The following ELK3 variants were observed in gnomAD, a reference collection of about 807,000 sequenced individuals.
ELK3 encodes the protein ETS transcription factor ELK3.
ELK3 carries 10 observed loss-of-function variants against 28.9 expected under a neutral mutation model. The observed-to-expected ratio is 0.35, with a 90% CI of 0.21 to 0.59. The LOEUF (loss-of-function observed/expected upper bound fraction) is 0.59. Among genes scored for constraint, ELK3 ranks in the 20% least tolerant of loss-of-function variants. The pLI, the probability that ELK3 is intolerant of heterozygous loss-of-function variation, is 0.82. For missense variants in ELK3, 463 were observed against 517.3 expected, an observed-to-expected ratio of 0.90 and a Z score of 1.02; for synonymous variants, 272 against 243.5, an observed-to-expected ratio of 1.12 and a Z score of -1.09.
At chr12:96,233,013 T>C (rs564042593) in intron 2 of ELK3, among the ~76,000 whole-genome samples, 130 of 152,222 alleles carry the variant, frequency 8.5e-4, no homozygotes, top group Admixed American at 3.6e-3. Flanking sequence ...AGATTTCCAT[T>C]TTAGAAATAA....
In ELK3 at chr12:96,199,169, TGAAAA is replaced by T. The variant is rs1363130011; in HGVS notation, c.-3+4465_-3+4469del. On this transcript the variant is annotated intron_variant, in intron 1 of 4. Coordinates refer to ENST00000228741, the MANE Select transcript of ELK3 (RefSeq NM_005230.4). ...AACAGGAAGTACAGGGCACTACACA[TGAAAA>T]TAGAATGTTAAATGATGAAGAGAAA... 2.0e-5 allele frequency among the ~76,000 whole-genome samples: 3 copies of T among 152,142 alleles called. No homozygotes were observed. The East Asian group carries it at 5.8e-4, about 29-fold the overall frequency.
chr12:96,204,171 T>G (rs2268511), intron 1 of ELK3, among the ~76,000 whole-genome samples: 46,994 of 151,102 alleles, frequency 0.31, 7,625 homozygotes, highest in East Asian at 0.61. Context: ...AATGTAAAGT[T>G]TTTTTTTTTA....
chr12:96,228,719 C>T (rs935354792), intron 2 of ELK3, among the ~76,000 whole-genome samples: 2 of 152,202 alleles, frequency 1.3e-5, no homozygotes, highest in African/African-American at 2.4e-5. Flanking sequence ...CTCTGAGCAC[C>T]TGCAGTTGGA....
At chr12:96,213,367 A>G (rs913791818) in intron 1 of ELK3, among the ~76,000 whole-genome samples, 8 of 152,214 alleles carry the variant, frequency 5.3e-5, no homozygotes, top group Non-Finnish European at 8.8e-5. Context: ...TTAGGGATCA[A>G]GAGGTACCCA....
chr12:96,232,617 G>C (rs1370884942), intron 2 of ELK3, among the ~76,000 whole-genome samples: 1 of 150,590 alleles, frequency 6.6e-6, no homozygotes, highest in Non-Finnish European at 1.5e-5. Flanking sequence ...GTTAAAAACA[G>C]GAGATGGGGG....
intron 1 of ELK3, among the ~76,000 whole-genome samples, chr12:96,210,597 A>ACACACCCCCCCC (rs1416746905): frequency 5.4e-5 from 8 of 148,952 alleles, no homozygotes; most frequent in South Asian, 2.1e-4. Flanking sequence ...ACACACACAC[A>ACACACCCCCCCC]CCCCGAGTGG....
At chr12:96,264,729 G>A (rs1952017220) in intron 4 of ELK3, among the ~76,000 whole-genome samples, 2 of 152,176 alleles carry the variant, frequency 1.3e-5, no homozygotes, top group Non-Finnish European at 2.9e-5. Flanking sequence ...AGGCTGTAGT[G>A]AGCCATGAGC....
At position 96,260,553 on chromosome 12, in the gene ELK3, A is replaced by AGATAT. The variant is rs754216980; in HGVS notation, c.1125+700_1125+701insGATAT. Among the ~76,000 whole-genome samples, 1,519 of 152,318 alleles carry AGATAT rather than the reference A, an allele frequency of 1.0e-2. 41 individuals are homozygous for AGATAT. The highest frequency in any genetic ancestry group is 0.06 in the Admixed American group (923 of 15,290). ...TGCTTTATCTTATAGAACTCTCCATACTAGGCGAGCACCTTCATTATTCAT... is the reference window on the plus strand; with the variant it reads ...TGCTTTATCTTATAGAACTCTCCATAGATATCTAGGCGAGCACCTTCATTATTCAT... On this transcript the variant is annotated intron_variant, in intron 4 of 4. Transcript: ENST00000228741.
At position 96,246,844 on chromosome 12, in the gene ELK3, T is replaced by C. The variant is rs1260761143; in HGVS notation, c.208-96T>C. On this transcript the variant is annotated intron_variant, in intron 2 of 4. Transcript: ENST00000228741. The stretch of plus-strand genomic sequence containing the variant: ...GCCAAGAATGTAAATCAGGAACATT[T>C]TGGTGCTTCTGCCAGCGACATTTAC... 3.9e-6 allele frequency: 5 copies of C among 1,282,294 alleles called. No homozygotes were observed. In the South Asian group the frequency reaches 4.5e-5, roughly 11 times the overall value. The allele number at this position is 1,282,294 out of a possible 1,614,324, so 79.4% of individuals were successfully genotyped here. A position where few individuals can be genotyped will look rare whatever the true frequency, so the allele number is the denominator to read the frequency against.
At chr12:96,196,362 G>C (rs945899450) in intron 1 of ELK3, among the ~76,000 whole-genome samples, 2 of 151,962 alleles carry the variant, frequency 1.3e-5, no homozygotes, top group African/African-American at 4.8e-5. Flanking sequence ...GTTGAGAGGT[G>C]GGGGGAGATA....
At chr12:96,250,013 A>G (rs1951891603) in intron 3 of ELK3, among the ~76,000 whole-genome samples, 1 of 152,318 alleles carries the variant, frequency 6.6e-6, no homozygotes, top group Admixed American at 6.5e-5. Context: ...CAGGAAGCCC[A>G]GAAATGGTCC....
In ELK3 at chr12:96,268,173, C is replaced by G. The variant is rs1339791424; in HGVS notation, c.*993C>G. On this transcript the variant is annotated 3_prime_UTR_variant, in exon 5 of 5. Coordinates refer to ENST00000228741, the MANE Select transcript of ELK3 (RefSeq NM_005230.4). ...AGAAGCTCACAGAGTGGTGATGAAC[C>G]CAAACAACAAAGAAACCATTTTTAA... is the stretch of plus-strand genomic sequence containing the variant. 6.6e-6 allele frequency: 1 copy of G among 152,080 alleles called. No homozygotes were observed. The highest frequency in any genetic ancestry group is 1.5e-5 in the Non-Finnish European group (1 of 68,002). 9.4% of individuals were successfully genotyped at this position (152,080 alleles called of 1,614,324 possible). A position where few individuals can be genotyped will look rare whatever the true frequency, so the allele number is the denominator to read the frequency against.
At chr12:96,261,277 T>C (rs1418758228) in intron 4 of ELK3, among the ~76,000 whole-genome samples, 1 of 152,158 alleles carries the variant, frequency 6.6e-6, no homozygotes, top group African/African-American at 2.4e-5. Context: ...CTTGGAGTAA[T>C]TGGGTTTCTA....
chr12:96,213,822 C>T (rs1004524328), intron 1 of ELK3: 14 of 151,672 alleles, frequency 9.2e-5, no homozygotes, highest in African/African-American at 3.4e-4. Context: ...AACTCCTGGG[C>T]TTAAGTGATC....
At chr12:96,239,785 G>A (rs1951807394) in intron 2 of ELK3, among the ~76,000 whole-genome samples, 1 of 152,234 alleles carries the variant, frequency 6.6e-6, no homozygotes, top group South Asian at 2.1e-4. Flanking sequence ...AGCAGACGCT[G>A]CAAGGCTGCT....
intron 2 of ELK3, among the ~76,000 whole-genome samples, chr12:96,229,471 G>C (rs542875409): frequency 6.7e-6 from 1 of 150,362 alleles, no homozygotes; most frequent in Non-Finnish European, 1.5e-5. Context: ...CACTCGGATC[G>C]CTGCCCCCAT....
At chr12:96,195,931 A>G (rs576899261) in intron 1 of ELK3, among the ~76,000 whole-genome samples, 105 of 141,132 alleles carry the variant, frequency 7.4e-4, no homozygotes, top group Middle Eastern at 3.5e-3. Flanking sequence ...CCGGTCTTTA[A>G]CTACCCCCAC....
Position 96,247,335 on chromosome 12 carries a change from G to C in ELK3, c.603G>C (p.Leu201=), listed in dbSNP as rs1951864656. ...ACGTCACCAGGCCGGTGGTGTCCCT[G>C]CCTTCCACGTCAGAGGCTGCGGCGG... The part of the protein sequence containing the change: ...DKHVTRPVVS[L]PSTSEAAAAS... Residue 201 remains leucine, a synonymous_variant, in exon 3 of 5, where the codon CTG becomes CTC. Transcript: ENST00000228741. This position sits in a 1 kb window ranked among gnomAD's most constrained non-coding sequence, Gnocchi z 5.5. The C allele has an allele frequency of 6.2e-7, 1 of 1,614,056 alleles. No homozygotes were observed. The highest frequency in any genetic ancestry group is 1.3e-5 in the African/African-American group (1 of 74,928).
chr12:96,210,213 TC>T (rs1951566582), intron 1 of ELK3, among the ~76,000 whole-genome samples: 1 of 152,186 alleles, frequency 6.6e-6, no homozygotes, highest in Non-Finnish European at 1.5e-5. Context: ...GTTTGTAAGA[TC>T]CTAGTAAGTT....
Sources: gnomAD v4.1 joint callset for allele counts (sites outside exome capture counted in the v4.1 genomes callset) on GRCh38, gnomAD v4.1.1 for gene constraint, Gnocchi (gnomAD v3.1) non-coding constraint, MANE v1.5 for transcripts, NCBI Gene and HGNC (gene_info 2026-07-23, HGNC 2026-07-21) for gene names.